FPGT: variants seen among roughly 807,000 people sequenced by gnomAD.
The protein encoded by FPGT is fucose-1-phosphate guanylyltransferase.
A neutral mutation model predicts 45.8 loss-of-function variants in FPGT; 41 were observed. The observed-to-expected ratio is 0.90, with a 90% confidence interval of 0.70 to 1.16. The LOEUF (loss-of-function observed/expected upper bound fraction) is 1.16, where lower values mean the gene tolerates loss of function less well. FPGT is among the 50% of genes most tolerant of loss of function. The pLI is 0.00. For synonymous variants in FPGT, 292 were observed against 247.2 expected, an observed-to-expected ratio of 1.18 and a Z score of -1.70; for missense variants, 755 against 689.1, an observed-to-expected ratio of 1.10 and a Z score of -1.07.
chr1:74,205,091 T>A lies in FPGT; in HGVS notation c.1044T>A (p.Val348=). The A allele has an allele frequency of 6.2e-7, 1 of 1,613,846 alleles. No individual in the cohort carries two copies. The highest frequency in any genetic ancestry group is 1.1e-5 in the South Asian group (1 of 91,070). The part of the protein sequence containing the change: ...FHLLKGTSLN[V]VVLNNSKFYH... ...TTCTTAAAGGAACATCACTAAATGTTGTTGTTCTTAATAACTCCAAATTTT... is the reference window on the plus strand; with the variant it reads ...TTCTTAAAGGAACATCACTAAATGTAGTTGTTCTTAATAACTCCAAATTTT... Residue 348 remains valine, a synonymous_variant, in exon 4 of 4, where the codon GTT becomes GTA. Transcript: ENST00000370898.
At chr1:74,203,503 T>G (rs1054826713) in intron 3 of FPGT, among the ~76,000 whole-genome samples, 1 of 151,864 alleles carries the variant, frequency 6.6e-6, no homozygotes, top group Admixed American at 6.6e-5. Context: ...GCCATTTTCC[T>G]GCCTCAGCCT....
In FPGT at chr1:74,206,633, A is replaced by C. The variant is rs1652306839; in HGVS notation, c.*801A>C. 1 of 152,090 alleles carries C rather than the reference A, an allele frequency of 6.6e-6. No homozygotes were observed. Among genetic ancestry groups the C allele is most frequent in the Admixed American group, 6.6e-5 (1 of 15,262 alleles). 9.4% of individuals were successfully genotyped at this position (152,090 alleles called of 1,614,324 possible). ...TTATCTCCTATCAGTCCTTCTAACA[A>C]AACTTCAATTACCAGATGAACTGAC... is the stretch of plus-strand genomic sequence containing the variant. On this transcript the variant is annotated 3_prime_UTR_variant, in exon 4 of 4. Transcript: ENST00000370898.
At position 74,204,721 on chromosome 1, in the gene FPGT, A is replaced by G. The variant is rs925182773; in HGVS notation, c.674A>G (p.His225Arg). 20 of 1,613,868 alleles carry G rather than the reference A, an allele frequency of 1.2e-5. No individual in the cohort carries two copies. The highest frequency in any genetic ancestry group is 1.7e-5 in the Non-Finnish European group (20 of 1,179,918). ...KHRDLEYRSC[H>R]RFLHKPSIEK... is the part of the protein sequence containing the mutation. ...AGAGACCTTGAATACAGGTCTTGCC[A>G]TCGTTTCCTTCATAAGCCCAGCATA... Residue 225 changes from histidine to arginine, a missense_variant, in exon 4 of 4, where the codon CAT becomes CGT. Physicochemically the swap from His to Arg is conservative, Grantham distance 29. Transcript: ENST00000370898.
At chr1:74,204,050 A>G (rs951833769) in intron 3 of FPGT, among the ~76,000 whole-genome samples, 2 of 151,968 alleles carry the variant, frequency 1.3e-5, no homozygotes, top group East Asian at 1.9e-4. Context: ...TCAAAAAAAA[A>G]AAAACAAATG....
Position 74,205,526 on chromosome 1 carries a change from TG to T in FPGT, c.1481del (p.Gly494GlufsTer8), listed in dbSNP as rs751633250. 4 of 1,612,986 alleles carry T rather than the reference TG, an allele frequency of 2.5e-6. No homozygotes were observed. The highest frequency in any genetic ancestry group is 3.4e-6 in the Non-Finnish European group (4 of 1,179,098). On this transcript the variant is annotated frameshift_variant, in exon 4 of 4. Coordinates refer to ENST00000370898, the MANE Select transcript of FPGT (RefSeq NM_003838.5). LOFTEE classifies it high-confidence loss of function. ...CAGATATAAAGTTACTTCAATTCTT[TG>T]GAGTCTGTTTCCTGTCATGCTTAGA... ...LSDIKLLQFF[G>X]VCFLSCLDVW...
chr1:74,199,623 C>A, intron 1 of FPGT, 41 bp from the exon 2 acceptor site: 1 of 1,591,226 alleles, frequency 6.3e-7, no homozygotes, highest in East Asian at 2.2e-5. Context: ...CTAGAAAATT[C>A]TGATAATTTT....
At position 74,205,549 on chromosome 1, in the gene FPGT, T is replaced by A; in HGVS notation, c.1502T>A (p.Leu501Ter). The change falls in exon 4 of 4, where the codon TTA (leucine) becomes TAA (stop). Residue 501 changes from leucine to a stop codon, truncating the protein, a stop_gained. Transcript: ENST00000370898. LOFTEE classifies it high-confidence loss of function. ...TTTGGAGTCTGTTTCCTGTCATGCT[T>A]AGATGTTTGGAATCTTAAAGTTACA... ...QFFGVCFLSC[L>*]DVWNLKVTEE... The A allele has an allele frequency of 6.2e-7, 1 of 1,613,534 alleles. No homozygotes were observed. Among genetic ancestry groups the A allele is most frequent in the Non-Finnish European group, 8.5e-7 (1 of 1,179,434 alleles).
Position 74,205,352 on chromosome 1 carries a change from T to C in FPGT, c.1305T>C (p.Ile435=), listed in dbSNP as rs1296262765. The change falls in exon 4 of 4, where the codon ATT becomes ATC. Residue 435 remains isoleucine (I), a synonymous_variant. Transcript: ENST00000370898. ...GPDVSVGENC[I]ISGSYILTKA... The stretch of plus-strand genomic sequence containing the variant: ...ATGTTTCAGTTGGGGAAAACTGCAT[T>C]ATTAGTGGTTCTTACATCCTAACAA... The C allele has an allele frequency of 1.9e-6, 3 of 1,614,028 alleles. No homozygotes were observed. Among genetic ancestry groups the C allele is most frequent in the Admixed American group, 1.7e-5 (1 of 59,986 alleles).
chr1:74,207,308 A>G lies in FPGT; in HGVS notation c.*1476A>G, dbSNP rs1652356722. 6.6e-6 allele frequency: 1 copy of G among 152,082 alleles called. No individual in the cohort carries two copies. The highest frequency in any genetic ancestry group is 1.5e-5 in the Non-Finnish European group (1 of 67,974). The allele number at this position is 152,082 out of a possible 1,614,324, so 9.4% of individuals were successfully genotyped here. A position where few individuals can be genotyped will look rare whatever the true frequency, so the allele number is the denominator to read the frequency against. The stretch of plus-strand genomic sequence containing the variant: ...ACAGATTTTTATTTAACCCTCTTGC[A>G]TATACATATAAAATAACAAAAAAAT... On this transcript the variant is annotated 3_prime_UTR_variant, in exon 4 of 4. Coordinates refer to ENST00000370898, the MANE Select transcript of FPGT (RefSeq NM_003838.5).
rs1238012564 is a variant in FPGT at position 74,204,818 on chromosome 1, C to T, written c.771C>T (p.Asp257=). Residue 257 remains aspartate (D), a synonymous_variant, in exon 4 of 4, where the codon GAC becomes GAT. Transcript: ENST00000370898. ...NFCQQDFAGG[D]IADLKLDSDY... is the part of the protein sequence containing the mutation. ...GTCAACAGGACTTTGCTGGGGGTGA[C>T]ATTGCCGATCTTAAATTAGACTCTG... The T allele has an allele frequency of 6.2e-7, 1 of 1,613,652 alleles. No individual in the cohort carries two copies. The highest frequency in any genetic ancestry group is 1.1e-5 in the South Asian group (1 of 91,072).
chr1:74,205,888 A>T lies in FPGT; in HGVS notation c.*56A>T. 3 of 989,006 alleles carry T rather than the reference A, an allele frequency of 3.0e-6. No homozygotes were observed. The South Asian group carries it at 4.9e-5, about 16-fold the overall frequency. The allele number at this position is 989,006 out of a possible 1,614,324, so 61.3% of individuals were successfully genotyped here. A position where few individuals can be genotyped will look rare whatever the true frequency, so the allele number is the denominator to read the frequency against. ...TTTGAGTAACATTCCAGAGATAGGT[A>T]TTTTTTGTAGGCTGTTTCACTGAAC... is the stretch of plus-strand genomic sequence containing the variant. On this transcript the variant is annotated 3_prime_UTR_variant, in exon 4 of 4. Coordinates refer to ENST00000370898, the MANE Select transcript of FPGT (RefSeq NM_003838.5).
intron 2 of FPGT, among the ~76,000 whole-genome samples, chr1:74,200,497 CTTTTTTT>C (rs202228945): frequency 8.9e-4 from 95 of 106,562 alleles, no homozygotes; most frequent in African/African-American, 4.0e-3. Flanking sequence ...GTTATTATTT[CTTTTTTT>C]TTTTTTTTTT....
rs756775355 is a variant in FPGT, at chr1:74,204,446, T to C, written c.399T>C (p.Ala133=). Residue 133 remains alanine, a synonymous_variant, in exon 4 of 4, where the codon GCT becomes GCC. Coordinates refer to ENST00000370898, the MANE Select transcript of FPGT (RefSeq NM_003838.5). ...NASALGKIFT[A]LPLGNPIYQM... ...GTGCTCTGGGAAAAATTTTCACTGC[T>C]TTACCTCTTGGTAACCCCATTTATC... The C allele has an allele frequency of 5.0e-6, 8 of 1,606,746 alleles. No homozygotes were observed. Among genetic ancestry groups the C allele is most frequent in the Non-Finnish European group, 6.0e-6 (7 of 1,174,500 alleles).
intron 3 of FPGT, among the ~76,000 whole-genome samples, chr1:74,201,953 A>G (rs762916564): frequency 5.3e-5 from 8 of 152,174 alleles, no homozygotes; most frequent in Non-Finnish European, 1.2e-4. Flanking sequence ...CACTGTCATT[A>G]CTAGACTTTT....
In FPGT at chr1:74,207,342, G is replaced by A. The variant is rs1652359206; in HGVS notation, c.*1510G>A. 1 of 151,908 alleles carries A rather than the reference G, an allele frequency of 6.6e-6. No individual in the cohort carries two copies. Among genetic ancestry groups the A allele is most frequent in the Admixed American group, 6.6e-5 (1 of 15,232 alleles). The allele number at this position is 151,908 out of a possible 1,614,324, so 9.4% of individuals were successfully genotyped here. A position where few individuals can be genotyped will look rare whatever the true frequency, so the allele number is the denominator to read the frequency against. ...TAAAATAACAAAAAAATAAAATATTGAGATATCATCAAGAAATTTCTACAG... is the reference window on the plus strand; with the variant it reads ...TAAAATAACAAAAAAATAAAATATTAAGATATCATCAAGAAATTTCTACAG... On this transcript the variant is annotated 3_prime_UTR_variant, in exon 4 of 4. Coordinates refer to ENST00000370898, the MANE Select transcript of FPGT (RefSeq NM_003838.5).
At position 74,206,957 on chromosome 1, in the gene FPGT, A is replaced by G. The variant is rs1652331953; in HGVS notation, c.*1125A>G. ...ATGTCAATATAAAAATTGGTAAACT[A>G]GAAGTAACTTGTCCACAACCCTCAG... On this transcript the variant is annotated 3_prime_UTR_variant, in exon 4 of 4. Coordinates refer to ENST00000370898, the MANE Select transcript of FPGT (RefSeq NM_003838.5). 6.6e-6 allele frequency: 1 copy of G among 152,064 alleles called. No individual in the cohort carries two copies. The highest frequency in any genetic ancestry group is 2.1e-4 in the South Asian group (1 of 4,832). 9.4% of individuals were successfully genotyped at this position (152,064 alleles called of 1,614,324 possible).
Position 74,204,444 on chromosome 1 carries a change from G to A in FPGT, c.397G>A (p.Ala133Thr), listed in dbSNP as rs746705428. ...AAGTGCTCTGGGAAAAATTTTCACTGCTTTACCTCTTGGTAACCCCATTTA... is the reference window on the plus strand; with the variant it reads ...AAGTGCTCTGGGAAAAATTTTCACTACTTTACCTCTTGGTAACCCCATTTA... ...NASALGKIFT[A>T]LPLGNPIYQM... is the part of the protein sequence containing the mutation. Residue 133 changes from alanine to threonine, a missense_variant, in exon 4 of 4, where the codon GCT (alanine) becomes ACT (threonine). Physicochemically the swap from Ala to Thr is moderately conservative, Grantham distance 58. Coordinates refer to ENST00000370898, the MANE Select transcript of FPGT (RefSeq NM_003838.5). 6.2e-7 allele frequency: 1 copy of A among 1,605,838 alleles called. No individual in the cohort carries two copies. Among genetic ancestry groups the A allele is most frequent in the African/African-American group, 1.3e-5 (1 of 74,814 alleles).
chr1:74,198,868 C>T (rs1651486713), intron 1 of FPGT, among the ~76,000 whole-genome samples: 1 of 152,170 alleles, frequency 6.6e-6, no homozygotes, highest in African/African-American at 2.4e-5. Context: ...CACTTAATCC[C>T]TGTACACCTG....
intron 3 of FPGT, among the ~76,000 whole-genome samples, chr1:74,203,173 G>C (rs1651951773): frequency 6.6e-6 from 1 of 152,110 alleles, no homozygotes; most frequent in African/African-American, 2.4e-5. Context: ...CAGCACAGCA[G>C]GTTTGTTTAT....
Sources: gnomAD v4.1 joint callset for allele counts (sites outside exome capture counted in the v4.1 genomes callset) on GRCh38, gnomAD v4.1.1 for gene constraint, MANE v1.5 for transcripts, NCBI Gene and HGNC (gene_info 2026-07-23, HGNC 2026-07-21) for gene names.